GLRA2: variants seen among roughly 807,000 people sequenced by gnomAD.
GLRA2 encodes the protein glycine receptor alpha 2, also known as glycine receptor subunit alpha-2.
A neutral mutation model predicts 31.6 loss-of-function variants in GLRA2; 11 were observed. The ratio of observed to expected loss-of-function variants is 0.35; its 90% confidence interval spans 0.22 to 0.58. The LOEUF is 0.58. GLRA2 is among the 20% of genes least tolerant of loss of function. The probability of loss-of-function intolerance (pLI) is 0.84; values close to 1 mark genes in which losing one functional copy is unlikely to be tolerated. For synonymous variants in GLRA2, 132 were observed against 134.0 expected (o/e 0.99, Z 0.10); for missense variants, 212 against 351.8 (o/e 0.60, Z 3.18).
At chrX:14,465,208 A>T in the GLRA2 span, among the ~76,000 whole-genome samples, 1 of 111,528 alleles carries the variant, frequency 9.0e-6, no homozygotes, top group South Asian at 3.8e-4. Flanking sequence ...GTATTTTTGT[A>T]GCTATTGTAA....
chrX:14,639,362 T>C (rs1170537953), intron 7 of GLRA2, among the ~76,000 whole-genome samples: 1 of 111,550 alleles, frequency 9.0e-6, no homozygotes, highest in Non-Finnish European at 1.9e-5. Flanking sequence ...AAGCAGGTGT[T>C]CAATATGTAT....
At chrX:14,522,716 A>G in the GLRA2 span, among the ~76,000 whole-genome samples, 536 of 112,237 alleles carry the variant, frequency 4.8e-3, 7 homozygotes, top group African/African-American at 0.016. Flanking sequence ...TCTCCATCAG[A>G]GGTCTTGGGT....
Position 14,592,135 on chromosome X carries a change from C to T in GLRA2, c.494+10729C>T, listed in dbSNP as rs3027365. On this transcript the variant is annotated intron_variant, in intron 4 of 8. Transcript: ENST00000218075. ...ATTATAAGTCTGTAACTCAAAATAA[C>T]GTCCCTCTCCTTCCCAAACCACAAA... 7.7e-3 allele frequency among the ~76,000 whole-genome samples: 854 copies of T among 111,432 alleles called. 8 individuals carry two copies. The highest frequency in any genetic ancestry group is 0.026 in the African/African-American group (808 of 30,675).
At chrX:14,522,765 A>AT in the GLRA2 span, among the ~76,000 whole-genome samples, 3 of 111,817 alleles carry the variant, frequency 2.7e-5, no homozygotes, top group African/African-American at 9.8e-5. Flanking sequence ...GAGCAGTAAT[A>AT]TTTTGAAAGG....
At chrX:14,712,038 T>C (rs2091718217) in intron 8 of GLRA2, among the ~76,000 whole-genome samples, 1 of 113,002 alleles carries the variant, frequency 8.8e-6, no homozygotes, top group East Asian at 2.8e-4. Context: ...TTTTGTCATG[T>C]TATTATAGAA....
At chrX:14,553,687 G>A (rs2089599677) in intron 2 of GLRA2, among the ~76,000 whole-genome samples, 1 of 111,324 alleles carries the variant, frequency 9.0e-6, no homozygotes, top group Non-Finnish European at 1.9e-5. Context: ...AAGCCATTTT[G>A]CCCACCCTTG....
At chrX:14,575,661 A>G (rs770718991) in intron 3 of GLRA2, among the ~76,000 whole-genome samples, 71 of 110,698 alleles carry the variant, frequency 6.4e-4, no homozygotes, top group Non-Finnish European at 1.2e-3. Flanking sequence ...GGATCTCACT[A>G]TATTGCCCAG....
chrX:14,616,086 A>G (rs2090450785), intron 7 of GLRA2, among the ~76,000 whole-genome samples: 1 of 111,909 alleles, frequency 8.9e-6, no homozygotes, highest in South Asian at 3.8e-4. Context: ...TAAAGGCTGC[A>G]TGTTGTCTTT....
At chrX:14,627,702 T>G (rs940273679) in intron 7 of GLRA2, among the ~76,000 whole-genome samples, 1 of 111,519 alleles carries the variant, frequency 9.0e-6, no homozygotes, top group African/African-American at 3.3e-5. Flanking sequence ...AACAACTCTT[T>G]CGTATGGAAA....
At chrX:14,680,209 C>G (rs751556707) in intron 7 of GLRA2, among the ~76,000 whole-genome samples, 2 of 112,177 alleles carry the variant, frequency 1.8e-5, no homozygotes, top group Admixed American at 1.9e-4. Context: ...TTCTAGAGCA[C>G]AGCATGAGTG....
At chrX:14,638,525 G>A (rs2090739371) in intron 7 of GLRA2, among the ~76,000 whole-genome samples, 1 of 110,676 alleles carries the variant, frequency 9.0e-6, no homozygotes, top group Non-Finnish European at 1.9e-5. Flanking sequence ...ATAAACCAAT[G>A]ATTTCCATTA....
chrX:14,706,970 A>C (rs1256555894), intron 8 of GLRA2, among the ~76,000 whole-genome samples: 2 of 111,806 alleles, frequency 1.8e-5, no homozygotes, highest in Non-Finnish European at 3.8e-5. Context: ...TTAATTCAAC[A>C]CAGAATCATT....
At chrX:14,665,497 T>C (rs1439558673) in intron 7 of GLRA2, among the ~76,000 whole-genome samples, 1 of 111,958 alleles carries the variant, frequency 8.9e-6, no homozygotes, top group Non-Finnish European at 1.9e-5. Context: ...CAATCACCAT[T>C]GGAGAATTGC....
the GLRA2 span, among the ~76,000 whole-genome samples, chrX:14,515,820 G>A: frequency 2.2e-4 from 25 of 111,673 alleles, no homozygotes; most frequent in East Asian, 6.7e-3. Context: ...TATGCCATGT[G>A]TCTTGAGATT....
chrX:14,522,558 G>A, the GLRA2 span, among the ~76,000 whole-genome samples: 4 of 112,219 alleles, frequency 3.6e-5, no homozygotes, highest in Non-Finnish European at 3.8e-5. Flanking sequence ...AGCTCCATTA[G>A]AGGAATCACT....
chrX:14,582,208 T>TC (rs1452462274), intron 4 of GLRA2, among the ~76,000 whole-genome samples: 5 of 61,038 alleles, frequency 8.2e-5, no homozygotes, highest in African/African-American at 3.0e-4. Flanking sequence ...CCCAATGCTA[T>TC]CCCTCCCCCT....
intron 4 of GLRA2, among the ~76,000 whole-genome samples, chrX:14,599,150 G>A (rs1359771768): frequency 8.9e-6 from 1 of 112,588 alleles, no homozygotes; most frequent in Non-Finnish European, 1.9e-5. Context: ...CCTCTGTGAA[G>A]GAACTTTACT....
At chrX:14,707,336 G>C (rs2091637984) in intron 8 of GLRA2, among the ~76,000 whole-genome samples, 1 of 111,547 alleles carries the variant, frequency 9.0e-6, no homozygotes. Flanking sequence ...TTCATCTGTA[G>C]AAAGAGTCTA....
intron 2 of GLRA2, among the ~76,000 whole-genome samples, chrX:14,571,989 A>G (rs2089891076): frequency 8.9e-6 from 1 of 111,972 alleles, no homozygotes; most frequent in Non-Finnish European, 1.9e-5. Context: ...CAAGCAATTT[A>G]ACCTCTCTAA....
Sources: gnomAD v4.1 joint callset for allele counts (sites outside exome capture counted in the v4.1 genomes callset) on GRCh38, gnomAD v4.1.1 for gene constraint, MANE v1.5 for transcripts, NCBI Gene and HGNC (gene_info 2026-07-23, HGNC 2026-07-21) for gene names.